ABLIM1: variants seen among roughly 807,000 people sequenced by gnomAD.
The protein encoded by ABLIM1 is actin-binding LIM protein 1.
In ABLIM1, 40 loss-of-function variants were observed where a neutral mutation model predicts 107.0. That is an observed-to-expected ratio of 0.37 (90% CI 0.29 to 0.49). The LOEUF (loss-of-function observed/expected upper bound fraction) is 0.49. ABLIM1 is among the 20% of genes least tolerant of loss of function. The pLI is 0.97. For synonymous variants in ABLIM1, 357 were observed against 357.3 expected (o/e 1.00, Z 0.01); for missense variants, 857 against 1,008.5 (o/e 0.85, Z 2.04).
At chr10:114,583,132 A>G (rs1336787624) in intron 2 of ABLIM1, among the ~76,000 whole-genome samples, 1 of 151,942 alleles carries the variant, frequency 6.6e-6, no homozygotes, top group Non-Finnish European at 1.5e-5. Flanking sequence ...AGTCTATTAT[A>G]CAGAATCTAT....
chr10:114,701,751 A>C (rs2081312160), intron 1 of ABLIM1, among the ~76,000 whole-genome samples: 1 of 152,188 alleles, frequency 6.6e-6, no homozygotes, highest in Non-Finnish European at 1.5e-5. Context: ...GAGTGAGAGG[A>C]TTCACTGACA....
intron 22 of ABLIM1, 140 bp downstream of exon 22, chr10:114,437,704 C>T: frequency 1.5e-6 from 1 of 681,498 alleles, no homozygotes; most frequent in Non-Finnish European, 2.5e-6. Flanking sequence ...AAAGTTATTT[C>T]TTAGTTCTAC....
intron 8 of ABLIM1, among the ~76,000 whole-genome samples, chr10:114,483,128 G>T (rs2057633298): frequency 2.0e-5 from 3 of 152,188 alleles, no homozygotes; most frequent in Admixed American, 2.0e-4. Context: ...AATGAAGATT[G>T]TATGAAAAAT....
chr10:114,761,117 C>A (rs991780687), intron 1 of ABLIM1, among the ~76,000 whole-genome samples: 1 of 152,002 alleles, frequency 6.6e-6, no homozygotes, highest in Non-Finnish European at 1.5e-5. Flanking sequence ...TGAAAGAAAC[C>A]GATAAAGCTA....
At chr10:114,519,109 A>G (rs2063342474) in intron 6 of ABLIM1, among the ~76,000 whole-genome samples, 1 of 152,154 alleles carries the variant, frequency 6.6e-6, no homozygotes, top group Non-Finnish European at 1.5e-5. Context: ...GCAAGCAGAG[A>G]AGTAGTTCAA....
intron 8 of ABLIM1, among the ~76,000 whole-genome samples, chr10:114,485,654 T>C (rs974786970): frequency 1.3e-5 from 2 of 152,272 alleles, no homozygotes; most frequent in Non-Finnish European, 1.5e-5. Flanking sequence ...TCTTACAATA[T>C]ATAAAGGGTA....
chr10:114,674,885 G>A (rs1025910337), intron 1 of ABLIM1, among the ~76,000 whole-genome samples: 1 of 152,230 alleles, frequency 6.6e-6, no homozygotes, highest in East Asian at 1.9e-4. Flanking sequence ...ATGAAAGTTT[G>A]TGGGAGGCTG....
At chr10:114,781,226 G>A in the ABLIM1 span, among the ~76,000 whole-genome samples, 431 of 152,162 alleles carry the variant, frequency 2.8e-3, 1 homozygote, top group African/African-American at 9.7e-3. Flanking sequence ...ATAATGGGCC[G>A]GGTGCAGTGG....
intron 1 of ABLIM1, among the ~76,000 whole-genome samples, chr10:114,721,229 T>C (rs2081838734): frequency 6.6e-6 from 1 of 152,192 alleles, no homozygotes; most frequent in South Asian, 2.1e-4. Flanking sequence ...GCAGCTTCCC[T>C]AGTTAGCAGT....
chr10:114,644,309 ATATAT>A (rs2078905897), intron 1 of ABLIM1, among the ~76,000 whole-genome samples: 1 of 94,226 alleles, frequency 1.1e-5, no homozygotes, highest in Non-Finnish European at 1.9e-5. Context: ...AAAAAAAAAT[ATATAT>A]ATATATATAT....
intron 2 of ABLIM1, among the ~76,000 whole-genome samples, chr10:114,591,221 A>G (rs1402976941): frequency 6.6e-6 from 1 of 152,320 alleles, no homozygotes; most frequent in East Asian, 1.9e-4. Flanking sequence ...TGCAAATTCA[A>G]GCATGCCATC....
the ABLIM1 span, among the ~76,000 whole-genome samples, chr10:114,790,598 G>A: frequency 4.6e-5 from 7 of 152,198 alleles, no homozygotes; most frequent in Non-Finnish European, 1.0e-4. Flanking sequence ...ACCTAGGTGT[G>A]GACCCTTCTG....
the ABLIM1 span, among the ~76,000 whole-genome samples, chr10:114,785,215 C>T: frequency 1.3e-5 from 2 of 152,210 alleles, no homozygotes; most frequent in African/African-American, 4.8e-5. Context: ...ACCTTCGAAA[C>T]TCATGTTCAT....
At chr10:114,639,267 G>C (rs544975517) in intron 1 of ABLIM1, among the ~76,000 whole-genome samples, 1 of 152,190 alleles carries the variant, frequency 6.6e-6, no homozygotes, top group African/African-American at 2.4e-5. Flanking sequence ...CTAGTTCTTA[G>C]TACAGAGAAG....
chr10:114,673,572 C>T (rs1012202282), intron 1 of ABLIM1, among the ~76,000 whole-genome samples: 1 of 152,190 alleles, frequency 6.6e-6, no homozygotes, highest in Admixed American at 6.5e-5. Context: ...TGGCTCCCAA[C>T]CCCACCACAC....
intron 2 of ABLIM1, among the ~76,000 whole-genome samples, chr10:114,597,941 A>G (rs1010462940): frequency 1.3e-5 from 2 of 152,230 alleles, no homozygotes; most frequent in Non-Finnish European, 2.9e-5. Flanking sequence ...CCAATACAGT[A>G]GCCACTAACC....
At chr10:114,738,041 AATTATT>A (rs143799903) in intron 1 of ABLIM1, among the ~76,000 whole-genome samples, 185 of 151,918 alleles carry the variant, frequency 1.2e-3, no homozygotes, top group Non-Finnish European at 2.3e-3. Context: ...GTGATATATA[AATTATT>A]ATTATTATTA....
chr10:114,713,661 C>T (rs1054073917), intron 1 of ABLIM1, among the ~76,000 whole-genome samples: 1 of 152,146 alleles, frequency 6.6e-6, no homozygotes, highest in Non-Finnish European at 1.5e-5. Context: ...CAGGGAGTTA[C>T]GGGCTGCTCC....
intron 6 of ABLIM1, among the ~76,000 whole-genome samples, chr10:114,535,789 C>T (rs548042873): frequency 3.2e-4 from 48 of 152,216 alleles, no homozygotes; most frequent in African/African-American, 9.4e-4. Context: ...CCTTGAACAG[C>T]GTGGGTTTGA....
Sources: allele counts gnomAD v4.1 joint callset (sites outside exome capture counted in the v4.1 genomes callset), GRCh38; gene constraint gnomAD v4.1.1; transcripts MANE v1.5; gene names NCBI Gene and HGNC (gene_info 2026-07-23, HGNC 2026-07-21).